Variants in NR3C1 observed in about 807,000 individuals in gnomAD.
NR3C1 encodes the protein glucocorticoid receptor.
NR3C1 carries 14 observed loss-of-function variants against 74.0 expected under a neutral mutation model. That is an observed-to-expected ratio of 0.19 (90% confidence interval 0.12 to 0.30). The LOEUF is 0.30. Among genes scored for constraint, NR3C1 ranks in the 10% least tolerant of loss-of-function variants. NR3C1 has a pLI of 1.00. For missense variants in NR3C1, 695 were observed against 909.8 expected (o/e 0.76, Z 3.04); for synonymous variants, 308 against 332.5 (o/e 0.93, Z 0.80).
chr5:143,428,677 G>A (rs1173696623), intron 1 of NR3C1, among the ~76,000 whole-genome samples: 2 of 152,198 alleles, frequency 1.3e-5, no homozygotes, highest in African/African-American at 4.8e-5. Flanking sequence ...AGACACATAT[G>A]GCTCCACTGT....
chr5:143,369,595 C>T (rs1833899757), intron 2 of NR3C1, among the ~76,000 whole-genome samples: 1 of 152,100 alleles, frequency 6.6e-6, no homozygotes, highest in East Asian at 1.9e-4. Flanking sequence ...AAGCCAGGTA[C>T]AAGAAGCCAC....
At chr5:143,307,689 T>A (rs1819929170) in intron 4 of NR3C1, among the ~76,000 whole-genome samples, 2 of 152,180 alleles carry the variant, frequency 1.3e-5, no homozygotes, top group Non-Finnish European at 2.9e-5. Context: ...AGATTAGAGA[T>A]AATTGGGACC....
At position 143,298,652 on chromosome 5, in the gene NR3C1, C is replaced by CA; in HGVS notation, c.1892+15dup. ...TACCCTATGAATACAGGGAAAATGACACACATACAACTTACTCATTAATAA... is the reference window on the plus strand; with the variant it reads ...TACCCTATGAATACAGGGAAAATGACAACACATACAACTTACTCATTAATAA... On this transcript the variant is annotated intron_variant, in intron 6 of 8. Coordinates refer to ENST00000394464, the MANE Select transcript of NR3C1 (RefSeq NM_000176.3). The CA allele has an allele frequency of 6.2e-7, 1 of 1,611,422 alleles. No homozygotes were observed. Among genetic ancestry groups the CA allele is most frequent in the Non-Finnish European group, 8.5e-7 (1 of 1,178,410 alleles).
intron 2 of NR3C1, among the ~76,000 whole-genome samples, chr5:143,322,447 T>C (rs1823592358): frequency 6.6e-6 from 1 of 151,730 alleles, no homozygotes; most frequent in South Asian, 2.1e-4. Flanking sequence ...AAGGTGGCAA[T>C]TTTTTTTCTG....
Position 143,300,365 on chromosome 5 carries a change from T to A in NR3C1, c.1747+120A>T. ...ATTCACCTGACTCTCCCCTTCATAG[T>A]CCCCAGAACTAAGAGAAACAAGATA... On this transcript the variant is annotated intron_variant, in intron 5 of 8. Transcript: ENST00000394464. This position sits in a 1 kb window ranked among gnomAD's most constrained non-coding sequence, Gnocchi z 5.2. 1 of 1,221,208 alleles carries A rather than the reference T, an allele frequency of 8.2e-7. No homozygotes were observed. The highest frequency in any genetic ancestry group is 1.2e-6 in the Non-Finnish European group (1 of 833,622). The allele number at this position is 1,221,208 out of a possible 1,614,324, so 75.6% of individuals were successfully genotyped here.
At chr5:143,322,668 G>A (rs1823630465) in intron 2 of NR3C1, among the ~76,000 whole-genome samples, 1 of 152,106 alleles carries the variant, frequency 6.6e-6, no homozygotes, top group African/African-American at 2.4e-5. Flanking sequence ...AAAAACAAAT[G>A]GAAATGCAGA....
chr5:143,392,247 G>A (rs1262679248), intron 2 of NR3C1, among the ~76,000 whole-genome samples: 1 of 152,158 alleles, frequency 6.6e-6, no homozygotes, highest in Non-Finnish European at 1.5e-5. Context: ...TTACAGGCGT[G>A]AGCCACCGCG....
At chr5:143,313,946 C>T in intron 3 of NR3C1, 56 bp downstream of exon 3, 1 of 1,585,126 alleles carries the variant, frequency 6.3e-7, no homozygotes, top group Non-Finnish European at 8.7e-7. Flanking sequence ...TCAAAATCCA[C>T]CCTGAGAAAT....
At chr5:143,282,777 C>CTTTTTTTT (rs371512572) in intron 7 of NR3C1, 52 bp from the exon 8 acceptor site, 7 of 1,326,242 alleles carry the variant, frequency 5.3e-6, no homozygotes, top group South Asian at 1.3e-5. Context: ...CTTTTCTTTT[C>CTTTTTTTT]TTTTTTTTTT....
intron 2 of NR3C1, among the ~76,000 whole-genome samples, chr5:143,334,638 G>A (rs1405233259): frequency 4.0e-5 from 6 of 151,892 alleles, no homozygotes; most frequent in East Asian, 1.9e-4. Context: ...ATTGAATCTG[G>A]AGAGTCCTGG....
intron 2 of NR3C1, among the ~76,000 whole-genome samples, chr5:143,398,952 T>G (rs1036592633): frequency 1.3e-5 from 2 of 152,140 alleles, no homozygotes; most frequent in Admixed American, 1.3e-4. Context: ...GCAGGAACAT[T>G]TGAACGTAAA....
chr5:143,379,309 A>T (rs1835767094), intron 2 of NR3C1, among the ~76,000 whole-genome samples: 1 of 152,202 alleles, frequency 6.6e-6, no homozygotes, highest in South Asian at 2.1e-4. Flanking sequence ...AGGTGAATCA[A>T]TCATTACTGA....
rs187891561 is a variant in NR3C1 at position 143,402,207 on chromosome 5, C to A, written c.-14+1004G>T. 4.6e-5 allele frequency among the ~76,000 whole-genome samples: 7 copies of A among 152,238 alleles called. No individual in the cohort carries two copies. In the East Asian group the frequency reaches 1.3e-3, roughly 29 times the overall value. Reference sequence around the variant, plus strand: ...TCTAAACACGAGGTATCGAATGGAGCCCAATGAATTTCCATGCCGCTTTTT... The same window carrying A: ...TCTAAACACGAGGTATCGAATGGAGACCAATGAATTTCCATGCCGCTTTTT... On this transcript the variant is annotated intron_variant, in intron 1 of 8. Coordinates refer to ENST00000394464, the MANE Select transcript of NR3C1 (RefSeq NM_000176.3).
chr5:143,418,178 A>C (rs555648717), intron 1 of NR3C1, among the ~76,000 whole-genome samples: 1 of 152,224 alleles, frequency 6.6e-6, no homozygotes, highest in Non-Finnish European at 1.5e-5. Flanking sequence ...TTCAGTTGTC[A>C]ATATTTACCT....
chr5:143,428,418 G>C (rs1751645490), intron 1 of NR3C1, among the ~76,000 whole-genome samples: 1 of 152,146 alleles, frequency 6.6e-6, no homozygotes, highest in Non-Finnish European at 1.5e-5. Context: ...CCCTTCAAAG[G>C]CTTCCCTTCT....
At chr5:143,310,024 T>C in intron 4 of NR3C1, 73 bp downstream of exon 4, 1 of 1,102,390 alleles carries the variant, frequency 9.1e-7, no homozygotes, top group South Asian at 1.3e-5. Flanking sequence ...TGCTTACGTG[T>C]ATCTTCAAAA....
At chr5:143,303,322 T>C (rs1288844160) in intron 4 of NR3C1, among the ~76,000 whole-genome samples, 1 of 151,886 alleles carries the variant, frequency 6.6e-6, no homozygotes, top group African/African-American at 2.4e-5. Context: ...AAGCCATTAT[T>C]TGGAGTAAGT....
chr5:143,300,424 T>A lies in NR3C1; in HGVS notation c.1747+61A>T. 6.2e-7 allele frequency: 1 copy of A among 1,605,366 alleles called. No individual in the cohort carries two copies. The highest frequency in any genetic ancestry group is 1.3e-5 in the African/African-American group (1 of 74,866). On this transcript the variant is annotated intron_variant, in intron 5 of 8. Coordinates refer to ENST00000394464, the MANE Select transcript of NR3C1 (RefSeq NM_000176.3). The surrounding 1 kb of genome is among the most constrained non-coding windows in gnomAD (Gnocchi z 5.2). The stretch of plus-strand genomic sequence containing the variant: ...GCTCACGATGATATAAAAGCCAAAG[T>A]GTTTTTGCTGAAGAAAACACAAAGG...
At chr5:143,403,729 C>T, upstream of NR3C1, 1 of 985,130 alleles carries the variant, frequency 1.0e-6, no homozygotes, top group Non-Finnish European at 1.2e-6. Flanking sequence ...TCCCACTCCA[C>T]CCCCGGCCGC....
Sources: gnomAD v4.1 joint callset for allele counts (sites outside exome capture counted in the v4.1 genomes callset) on GRCh38, gnomAD v4.1.1 for gene constraint, Gnocchi (gnomAD v3.1) non-coding constraint, MANE v1.5 for transcripts, NCBI Gene and HGNC (gene_info 2026-07-23, HGNC 2026-07-21) for gene names.